MEF2C: variants seen among roughly 807,000 people sequenced by gnomAD.
MEF2C encodes myocyte-specific enhancer factor 2C.
In MEF2C, 6 loss-of-function variants were observed where a neutral mutation model predicts 50.5. The ratio of observed to expected loss-of-function variants is 0.12; its 90% CI spans 0.07 to 0.23. The LOEUF is 0.23. MEF2C is among the 10% of genes least tolerant of loss of function. MEF2C has a pLI of 1.00. For synonymous variants in MEF2C, 183 were observed against 228.0 expected, an observed-to-expected ratio of 0.80 and a Z score of 1.78; for missense variants, 276 against 605.0, an observed-to-expected ratio of 0.46 and a Z score of 5.70.
At chr5:88,829,780 G>T (rs1262244925) in intron 1 of MEF2C, among the ~76,000 whole-genome samples, 1 of 151,948 alleles carries the variant, frequency 6.6e-6, no homozygotes, top group East Asian at 1.9e-4. Flanking sequence ...GTACTTGGAC[G>T]CTGTGTGACT....
intron 4 of MEF2C, among the ~76,000 whole-genome samples, chr5:88,757,019 A>G (rs968741417): frequency 6.6e-6 from 1 of 152,208 alleles, no homozygotes; most frequent in Non-Finnish European, 1.5e-5. Context: ...GAACTTCAAG[A>G]CAATGACAGC....
chr5:88,752,896 T>A, intron 4 of MEF2C: 1 of 346,396 alleles, frequency 2.9e-6, no homozygotes, highest in Non-Finnish European at 4.1e-6. Flanking sequence ...TTTTAAGCAT[T>A]ACGAGTAAAA....
chr5:88,835,553 T>C (rs1191147118), intron 1 of MEF2C, among the ~76,000 whole-genome samples: 1 of 152,104 alleles, frequency 6.6e-6, no homozygotes, highest in Non-Finnish European at 1.5e-5. Flanking sequence ...GGCTCATGCC[T>C]GTAATCCCAG....
At chr5:88,877,763 C>G (rs1160256429) in intron 1 of MEF2C, among the ~76,000 whole-genome samples, 1 of 151,856 alleles carries the variant, frequency 6.6e-6, no homozygotes, top group African/African-American at 2.4e-5. Context: ...TTATTTCACG[C>G]ATGAATGTTA....
At chr5:88,898,907 C>A (rs1434894070) in intron 1 of MEF2C, among the ~76,000 whole-genome samples, 1 of 152,032 alleles carries the variant, frequency 6.6e-6, no homozygotes, top group Non-Finnish European at 1.5e-5. Flanking sequence ...ACATATTGTA[C>A]TAGGATTCAG....
At chr5:88,741,630 T>C (rs991193438) in intron 6 of MEF2C, 35 of 978,428 alleles carry the variant, frequency 3.6e-5, no homozygotes, top group Admixed American at 2.5e-4. Context: ...AAACTGGCCA[T>C]AGATTTAGTT....
chr5:88,863,551 A>G (rs1275749379), intron 1 of MEF2C, among the ~76,000 whole-genome samples: 4 of 152,234 alleles, frequency 2.6e-5, no homozygotes, highest in Non-Finnish European at 5.9e-5. Context: ...ACTATAGTCA[A>G]CACACTGTGC....
intron 6 of MEF2C, chr5:88,743,834 C>T (rs1266614574): frequency 1.0e-6 from 1 of 983,346 alleles, no homozygotes; most frequent in Non-Finnish European, 1.2e-6. Flanking sequence ...AAATAGTCAA[C>T]AATTAACATT....
intron 4 of MEF2C, among the ~76,000 whole-genome samples, chr5:88,760,746 A>C (rs1237282852): frequency 6.6e-6 from 1 of 152,164 alleles, no homozygotes. Flanking sequence ...TGTCTCATAA[A>C]TCTTTCTCTT....
At chr5:88,783,663 G>C (rs1260638934) in intron 3 of MEF2C, among the ~76,000 whole-genome samples, 3 of 152,000 alleles carry the variant, frequency 2.0e-5, no homozygotes. Flanking sequence ...AAATAAAACA[G>C]ACAGTCTAAG....
intron 3 of MEF2C, chr5:88,781,956 G>A: frequency 4.4e-6 from 1 of 225,704 alleles, no homozygotes; most frequent in Non-Finnish European, 7.4e-6. Flanking sequence ...CTGGGCAACA[G>A]AGTGAGACTC....
At chr5:88,875,556 G>T (rs1439567137) in intron 1 of MEF2C, among the ~76,000 whole-genome samples, 1 of 151,838 alleles carries the variant, frequency 6.6e-6, no homozygotes, top group African/African-American at 2.4e-5. Context: ...TAGGGGGTGG[G>T]GAAGAGGTCT....
chr5:88,739,558 A>G, intron 6 of MEF2C: 1 of 984,814 alleles, frequency 1.0e-6, no homozygotes, highest in Non-Finnish European at 1.2e-6. Flanking sequence ...TGTGTATCAT[A>G]AACTTGCTCA....
At chr5:88,726,351 A>C (rs1758728580) in intron 10 of MEF2C, among the ~76,000 whole-genome samples, 1 of 152,184 alleles carries the variant, frequency 6.6e-6, no homozygotes, top group Non-Finnish European at 1.5e-5. Flanking sequence ...TACACTGTAA[A>C]GAATTAAGGA....
chr5:88,849,929 T>C (rs1820675074), intron 1 of MEF2C, among the ~76,000 whole-genome samples: 1 of 152,158 alleles, frequency 6.6e-6, no homozygotes, highest in Admixed American at 6.5e-5. Context: ...CAAAGCAAAA[T>C]TTATTTTTTT....
chr5:88,728,649 A>G, intron 9 of MEF2C, 21 bp from the exon 10 acceptor site: 1 of 1,345,264 alleles, frequency 7.4e-7, no homozygotes, highest in Non-Finnish European at 9.7e-7. Flanking sequence ...GAATAAAACA[A>G]CAAGGGAAAA....
intron 1 of MEF2C, among the ~76,000 whole-genome samples, chr5:88,869,262 TATATATATATATATAC>T (rs1296357145): frequency 7.3e-4 from 53 of 72,966 alleles, no homozygotes; most frequent in African/African-American, 3.2e-3. Context: ...CATATATATA[TATATATATATATATAC>T]ATATATATAT....
intron 1 of MEF2C, among the ~76,000 whole-genome samples, chr5:88,897,684 AACT>A (rs1259628890): frequency 6.6e-6 from 1 of 152,222 alleles, no homozygotes. Context: ...AAAATAAATG[AACT>A]ACTCAACACA....
chr5:88,774,967 G>T (rs1784099472), intron 3 of MEF2C, among the ~76,000 whole-genome samples: 1 of 152,188 alleles, frequency 6.6e-6, no homozygotes, highest in East Asian at 1.9e-4. Context: ...TCCACACAAG[G>T]CTGCGCTCCT....
Sources: gnomAD v4.1 joint callset for allele counts (sites outside exome capture counted in the v4.1 genomes callset) on GRCh38, gnomAD v4.1.1 for gene constraint, MANE v1.5 for transcripts, NCBI Gene and HGNC (gene_info 2026-07-23, HGNC 2026-07-21) for gene names.